The following TEX14 variants were observed in gnomAD, a reference collection of about 807,000 sequenced individuals.
The protein encoded by TEX14 is testis expressed 14, intercellular bridge forming factor, also known as inactive serine/threonine-protein kinase TEX14.
In TEX14, 168 loss-of-function variants were observed where a neutral mutation model predicts 178.6. The ratio of observed to expected loss-of-function variants is 0.94; its 90% CI spans 0.83 to 1.07. The LOEUF (loss-of-function observed/expected upper bound fraction) is 1.07. TEX14 is among the 50% of genes least tolerant of loss of function. TEX14 has a pLI of 0.00. For missense variants in TEX14, 1,730 were observed against 1,753.6 expected (o/e 0.99, Z 0.24); for synonymous variants, 626 against 634.1 (o/e 0.99, Z 0.19).
chr17:58,691,333 G>GAAAGTTC (rs1317413238), intron 1 of TEX14, among the ~76,000 whole-genome samples: 1 of 151,974 alleles, frequency 6.6e-6, no homozygotes, highest in Non-Finnish European at 1.5e-5. Context: ...GCAATATTTA[G>GAAAGTTC]AAAGTTCTTC....
At chr17:58,618,456 C>A (rs530330696) in intron 5 of TEX14, among the ~76,000 whole-genome samples, 1 of 152,374 alleles carries the variant, frequency 6.6e-6, no homozygotes, top group East Asian at 1.9e-4. Context: ...ACTTGTGCAT[C>A]AGGGTCCCCC....
chr17:58,608,348 C>T (rs561464775), intron 10 of TEX14, among the ~76,000 whole-genome samples: 56 of 151,174 alleles, frequency 3.7e-4, no homozygotes, highest in South Asian at 6.3e-4. Flanking sequence ...ACCCAGGAGG[C>T]GGAGCTTGTA....
At chr17:58,605,200 T>C in intron 10 of TEX14, 71 bp from the exon 11 acceptor site, 1 of 1,515,720 alleles carries the variant, frequency 6.6e-7, no homozygotes, top group Non-Finnish European at 9.0e-7. Context: ...CATTCATTCA[T>C]TCTTTCATTC....
chr17:58,651,878 T>C lies in TEX14; in HGVS notation c.124A>G (p.Ile42Val). Residue 42 changes from isoleucine to valine, a missense_variant, in exon 2 of 32, where the codon ATT becomes GTT. Physicochemically the swap from Ile to Val is conservative, Grantham distance 29. This residue lies in a region of TEX14 where 789 missense variants were observed against 681.2 expected (regional missense o/e 1.16). Coordinates refer to ENST00000349033, the MANE Select transcript of TEX14 (RefSeq NM_031272.5). Reference protein sequence around the residue: ...KQGNYVKVKKILKKGIYVDAV... With the variant: ...KQGNYVKVKKVLKKGIYVDAV... Reference sequence around the variant, plus strand: ...ACATGGTGCTTACCTTTCTTAAGAATTTTCTTCACTTTCACATAGTTCCCT... The same window carrying C: ...ACATGGTGCTTACCTTTCTTAAGAACTTTCTTCACTTTCACATAGTTCCCT... The C allele has an allele frequency of 1.2e-6, 2 of 1,606,380 alleles. No individual in the cohort carries two copies. Among genetic ancestry groups the C allele is most frequent in the South Asian group, 2.2e-5 (2 of 89,136 alleles).
At chr17:58,682,029 A>G (rs1366466461) in intron 1 of TEX14, among the ~76,000 whole-genome samples, 7 of 150,618 alleles carry the variant, frequency 4.6e-5, no homozygotes, top group Non-Finnish European at 1.0e-4. Context: ...TGGCACCATC[A>G]CAGCTCACTG....
chr17:58,662,044 G>C (rs2047123413), intron 1 of TEX14, among the ~76,000 whole-genome samples: 1 of 151,916 alleles, frequency 6.6e-6, no homozygotes, highest in East Asian at 2.0e-4. Context: ...ATCAGGCCCG[G>C]ATTTGGTAAC....
intron 6 of TEX14, among the ~76,000 whole-genome samples, chr17:58,616,638 G>T (rs1036382898): frequency 1.3e-5 from 2 of 151,798 alleles, no homozygotes; most frequent in Non-Finnish European, 2.9e-5. Flanking sequence ...CATGTTGGCT[G>T]GTGTCAAAGT....
rs181216089 is a variant in TEX14 at position 58,601,133 on chromosome 17, C to A, written c.1678+673G>T. ...AGGTGTGGTGGCTCATGCCTGCAAT[C>A]CCAGCACTTTGGGAGGACCAGGTGG... On this transcript the variant is annotated intron_variant, in intron 13 of 31. Coordinates refer to ENST00000349033, the MANE Select transcript of TEX14 (RefSeq NM_031272.5). 3.7e-3 allele frequency among the ~76,000 whole-genome samples: 566 copies of A among 151,974 alleles called. 3 individuals carry two copies. Among genetic ancestry groups the A allele is most frequent in the Non-Finnish European group, 5.6e-3 (383 of 67,992 alleles).
At chr17:58,689,489 G>A (rs1166769201) in intron 1 of TEX14, among the ~76,000 whole-genome samples, 1 of 152,144 alleles carries the variant, frequency 6.6e-6, no homozygotes. Flanking sequence ...AAAGTGCTAG[G>A]ATTACAGGAG....
At chr17:58,596,581 T>C (rs1032174380) in intron 14 of TEX14, among the ~76,000 whole-genome samples, 1 of 152,036 alleles carries the variant, frequency 6.6e-6, no homozygotes, top group African/African-American at 2.4e-5. Flanking sequence ...CTGTGTCTTC[T>C]CTTTATATAA....
intron 1 of TEX14, among the ~76,000 whole-genome samples, chr17:58,670,448 T>G: frequency 6.7e-6 from 1 of 149,448 alleles, no homozygotes; most frequent in African/African-American, 2.5e-5. Flanking sequence ...ACAAACAGCT[T>G]TGGGAAGGTA....
intron 19 of TEX14, chr17:58,581,627 T>A: frequency 6.2e-7 from 1 of 1,613,900 alleles, no homozygotes; most frequent in African/African-American, 1.3e-5. Context: ...AGCTAAGTTT[T>A]CTTGAGCAGT....
chr17:58,671,545 C>T (rs2047303869), intron 1 of TEX14, among the ~76,000 whole-genome samples: 2 of 152,094 alleles, frequency 1.3e-5, no homozygotes, highest in African/African-American at 4.8e-5. Context: ...CTAGTCAGAC[C>T]TCCCACCCAG....
At chr17:58,613,637 A>C in intron 8 of TEX14, 93 bp from the exon 9 acceptor site, 1 of 1,276,846 alleles carries the variant, frequency 7.8e-7, no homozygotes, top group Non-Finnish European at 1.1e-6. Context: ...CTAAACAAAT[A>C]CCATTTGTAT....
At chr17:58,622,173 G>A (rs1212707643) in intron 4 of TEX14, among the ~76,000 whole-genome samples, 2 of 152,182 alleles carry the variant, frequency 1.3e-5, no homozygotes, top group African/African-American at 4.8e-5. Context: ...CCAGCTGGGT[G>A]CAGTGGCTCA....
At chr17:58,664,056 A>T (rs2047165482) in intron 1 of TEX14, among the ~76,000 whole-genome samples, 1 of 152,166 alleles carries the variant, frequency 6.6e-6, no homozygotes, top group African/African-American at 2.4e-5. Context: ...ACAACAAAAA[A>T]ACAACAGCAA....
chr17:58,593,639 C>T lies in TEX14; in HGVS notation c.2492G>A (p.Gly831Glu), dbSNP rs1432892034. The change falls in exon 15 of 32, where the codon GGA (glycine) becomes GAA (glutamate). Residue 831 changes from glycine to glutamate, a missense_variant. By Grantham distance (98) the Gly-to-Glu change is moderately conservative. Transcript: ENST00000349033. ...AAATTGTTCATCTGTGTTCTGTTTT[C>T]CAGGGTCACAAAGAGTCGGCAGCTT... ...PRMLPTLCDP[G>E]KQNTDEQFQC... 5 of 1,614,030 alleles carry T rather than the reference C, an allele frequency of 3.1e-6. No individual in the cohort carries two copies. The Middle Eastern group carries it at 6.6e-4, about 213-fold the overall frequency.
Position 58,621,657 on chromosome 17 carries a change from C to T in TEX14, c.547G>A (p.Val183Met), listed in dbSNP as rs151122782. 9.9e-5 allele frequency: 159 copies of T among 1,613,218 alleles called. 1 individual carries two copies. The South Asian group carries it at 1.1e-3, about 11-fold the overall frequency. The stretch of plus-strand genomic sequence containing the variant: ...GCTCAAGGCAGTACTCACCCCTGCA[C>T]GAGGCCCCCACACCAGGACGGGCTG... ...VYSPSWCGGLVQGNPNGSPNR... is the reference protein window; with the variant it reads ...VYSPSWCGGLMQGNPNGSPNR... Residue 183 changes from valine (V) to methionine (M), a missense_variant, in exon 5 of 32, where the codon GTG becomes ATG. Around this residue, in one of 2 missense-constraint regions of TEX14, gnomAD observed 789 missense variants for 681.2 expected, o/e 1.16. Coordinates refer to ENST00000349033, the MANE Select transcript of TEX14 (RefSeq NM_031272.5).
At chr17:58,643,705 A>G (rs2046626372) in intron 2 of TEX14, among the ~76,000 whole-genome samples, 1 of 151,474 alleles carries the variant, frequency 6.6e-6, no homozygotes. Context: ...CCCCATTTCT[A>G]CTAAAAAAAC....
Sources: gnomAD v4.1 joint callset for allele counts (sites outside exome capture counted in the v4.1 genomes callset) on GRCh38, gnomAD v4.1.1 for gene constraint, gnomAD v4.1.1 regional missense constraint, MANE v1.5 for transcripts, NCBI Gene and HGNC (gene_info 2026-07-23, HGNC 2026-07-21) for gene names.